Variants in GPAA1 observed in about 807,000 individuals in gnomAD.
GPAA1 encodes GPI-anchor transamidase component GPAA1.
Under a neutral mutation model 64.0 loss-of-function variants are expected in GPAA1, and 54 were observed. That is an observed-to-expected ratio of 0.84 (90% CI 0.68 to 1.06). The LOEUF is 1.06. GPAA1 is among the 50% of genes least tolerant of loss of function. The pLI is 0.00. For synonymous variants in GPAA1, 393 were observed against 377.3 expected (o/e 1.04, Z -0.48); for missense variants, 780 against 822.3 (o/e 0.95, Z 0.63).
chr8:144,084,367 A>G (rs1303552333), intron 6 of GPAA1, 37 bp downstream of exon 6: 1 of 1,611,242 alleles, frequency 6.2e-7, no homozygotes, highest in East Asian at 2.2e-5. Context: ...TGAAGGGCAC[A>G]GGGTCTGTGG....
Position 144,083,790 on chromosome 8 carries a change from T to C in GPAA1, c.443T>C (p.Val148Ala). The stretch of plus-strand genomic sequence containing the variant: ...AGCACCGAGTCGCTTGTGCTCACCG[T>C]GCCCTGTGGCTCTGACTCTACCAAC... ...AASTESLVLTVPCGSDSTNSQ... is the reference protein window; with the variant it reads ...AASTESLVLTAPCGSDSTNSQ... Residue 148 changes from valine to alanine, a missense_variant, in exon 4 of 12, where the codon GTG (valine) becomes GCG (alanine). Transcript: ENST00000355091. The C allele has an allele frequency of 6.2e-7, 1 of 1,608,108 alleles. No homozygotes were observed. The highest frequency in any genetic ancestry group is 1.7e-5 in the Admixed American group (1 of 60,016).
rs782615259 is a variant in GPAA1 at position 144,084,135 on chromosome 8, CA to C, written c.619del (p.Met207CysfsTer21). Reference protein sequence around the residue: ...EAYHDVNVTGMQSSPLQGRAG... With the variant: ...EAYHDVNVTGXQSSPLQGRAG... ...GCACTCATTCACTTGCTCCTACAGG[CA>C]TGCAGTCGTCTCCCCTGCAGGGCCG... is the stretch of plus-strand genomic sequence containing the variant. On this transcript the variant is annotated frameshift_variant and splice_region_variant, in exon 6 of 12. Coordinates refer to ENST00000355091, the MANE Select transcript of GPAA1 (RefSeq NM_003801.4). LOFTEE classifies it high-confidence loss of function. 1.7e-5 allele frequency: 27 copies of C among 1,613,352 alleles called. No individual in the cohort carries two copies. Among genetic ancestry groups the C allele is most frequent in the Admixed American group, 3.3e-5 (2 of 60,004 alleles).
In GPAA1 at chr8:144,082,820, G is replaced by T. The variant is rs56164102; in HGVS notation, c.74+16G>T. On this transcript the variant is annotated intron_variant, in intron 1 of 11. Transcript: ENST00000355091. Reference sequence around the variant, plus strand: ...CGCCGTTGTGGTGAGGACAGGGCCCGGGGAGGCGGGGACCCGAGGGCCCTG... The same window carrying T: ...CGCCGTTGTGGTGAGGACAGGGCCCTGGGAGGCGGGGACCCGAGGGCCCTG... 2.4e-3 allele frequency: 3,416 copies of T among 1,401,996 alleles called. 5 individuals are homozygous for T. Among genetic ancestry groups the T allele is most frequent in the Non-Finnish European group, 3.0e-3 (3,230 of 1,083,328 alleles). 86.8% of individuals were successfully genotyped at this position (1,401,996 alleles called of 1,614,324 possible).
In GPAA1 at chr8:144,086,053, GCTCTTCC is replaced by G; in HGVS notation, c.1796_1802del (p.Leu599HisfsTer?). The G allele has an allele frequency of 1.2e-6, 2 of 1,613,224 alleles. No homozygotes were observed. The highest frequency in any genetic ancestry group is 1.7e-6 in the Non-Finnish European group (2 of 1,179,934). ...TGGAGCACCACACCTACGGCGCCCT[GCTCTTCC>G]CACTGCTGTCCCTGGGCCTCTACCC... On this transcript the variant is annotated frameshift_variant, in exon 12 of 12. Transcript: ENST00000355091. LOFTEE classifies it high-confidence loss of function.
chr8:144,084,767 C>T lies in GPAA1; in HGVS notation c.1056C>T (p.Arg352=). ...MFRKLNHLLE[R]LHQSFFLYLL... ...GCAAGCTCAACCACCTCCTGGAGCGCCTGCACCAGTCCTTCTTCCTCTACT... is the reference window on the plus strand; with the variant it reads ...GCAAGCTCAACCACCTCCTGGAGCGTCTGCACCAGTCCTTCTTCCTCTACT... The change falls in exon 8 of 12, where the codon CGC becomes CGT. Residue 352 remains arginine (R), a synonymous_variant. Coordinates refer to ENST00000355091, the MANE Select transcript of GPAA1 (RefSeq NM_003801.4). 1 of 1,613,706 alleles carries T rather than the reference C, an allele frequency of 6.2e-7. No homozygotes were observed. Among genetic ancestry groups the T allele is most frequent in the Non-Finnish European group, 8.5e-7 (1 of 1,179,800 alleles).
Position 144,082,795 on chromosome 8 carries a change from C to A in GPAA1, c.65C>A (p.Ala22Glu). 2 of 1,465,046 alleles carry A rather than the reference C, an allele frequency of 1.4e-6. No individual in the cohort carries two copies. The highest frequency in any genetic ancestry group is 1.8e-6 in the Non-Finnish European group (2 of 1,114,790). The allele number at this position is 1,465,046 out of a possible 1,614,324, so 90.8% of individuals were successfully genotyped here. Residue 22 changes from alanine to glutamate, a missense_variant, in exon 1 of 12, where the codon GCG becomes GAG. By Grantham distance (107) the Ala-to-Glu change is moderately radical. Transcript: ENST00000355091. ...GCCCGCCTAGTGCTGCGCCTCAACG[C>A]GCCGTTGTGGTGAGGACAGGGCCCG... ...ALARLVLRLN[A>E]PLCVLSYVAG...
Position 144,084,559 on chromosome 8 carries a change from T to G in GPAA1, c.960T>G (p.Arg320=), listed in dbSNP as rs1554764077. Reference sequence around the variant, plus strand: ...ACCGTGTGGAGGCCCTAACCCTGCGTGGCATCAATAGCTTCCGCCAGTACA... The same window carrying G: ...ACCGTGTGGAGGCCCTAACCCTGCGGGGCATCAATAGCTTCCGCCAGTACA... ...LRYRVEALTL[R]GINSFRQYKY... Residue 320 remains arginine (R), a synonymous_variant, in exon 7 of 12, where the codon CGT becomes CGG. Transcript: ENST00000355091. 2 of 1,614,006 alleles carry G rather than the reference T, an allele frequency of 1.2e-6. No homozygotes were observed. The highest frequency in any genetic ancestry group is 1.7e-6 in the Non-Finnish European group (2 of 1,179,952).
At position 144,082,650 on chromosome 8, in the gene GPAA1, GTCTGACA is replaced by G; in HGVS notation, c.-80_-74del. 1 of 1,058,878 alleles carries G rather than the reference GTCTGACA, an allele frequency of 9.4e-7. No homozygotes were observed. Among genetic ancestry groups the G allele is most frequent in the East Asian group, 3.3e-5 (1 of 30,416 alleles). The allele number at this position is 1,058,878 out of a possible 1,614,324, so 65.6% of individuals were successfully genotyped here. A position where few individuals can be genotyped will look rare whatever the true frequency, so the allele number is the denominator to read the frequency against. On this transcript the variant is annotated 5_prime_UTR_variant, in exon 1 of 12. Coordinates refer to ENST00000355091, the MANE Select transcript of GPAA1 (RefSeq NM_003801.4). ...AGTGCGGGCGAGCGCGGGTCCCCGG[GTCTGACA>G]GGAGCAGCCTGTGGGCACCGCGGCG... is the stretch of plus-strand genomic sequence containing the variant.
chr8:144,085,566 C>G lies in GPAA1; in HGVS notation c.1452-7C>G. ...TGTGGGTTGCCTCTGAGTCCTTTGT[C>G]TTACAGGGTGGTAAGCACACAGGCC... On this transcript the variant is annotated splice_polypyrimidine_tract_variant and splice_region_variant and intron_variant, in intron 10 of 11. Transcript: ENST00000355091. The G allele has an allele frequency of 4.3e-6, 7 of 1,612,728 alleles. No homozygotes were observed. The highest frequency in any genetic ancestry group is 5.9e-6 in the Non-Finnish European group (7 of 1,179,480).
Position 144,083,246 on chromosome 8 carries a change from G to A in GPAA1, c.197G>A (p.Gly66Asp), listed in dbSNP as rs782748731. The A allele has an allele frequency of 1.9e-6, 3 of 1,607,332 alleles. No homozygotes were observed. In the South Asian group the frequency reaches 3.3e-5, roughly 18 times the overall value. Reference sequence around the variant, plus strand: ...ACCATGGTGGAGGAGCAGTTTGCGGGCGGAGACCGTGCCCGGGCTTTTGCC... The same window carrying A: ...ACCATGGTGGAGGAGCAGTTTGCGGACGGAGACCGTGCCCGGGCTTTTGCC... ...GSTMVEEQFA[G>D]GDRARAFARD... Residue 66 changes from glycine (G) to aspartate (D), a missense_variant, in exon 2 of 12, where the codon GGC becomes GAC. Transcript: ENST00000355091.
At position 144,085,643 on chromosome 8, in the gene GPAA1, C is replaced by G. The variant is rs782252524; in HGVS notation, c.1522C>G (p.Leu508Val). ...LKLVALIYLA[L>V]QLGCIALTNF... ...GCTGGTAGCCCTGATCTACCTAGCA[C>G]TGCAGCTGGGCTGCATCGCCCTCAC... Residue 508 changes from leucine to valine, a missense_variant, in exon 11 of 12, where the codon CTG becomes GTG. Transcript: ENST00000355091. 2 of 1,613,712 alleles carry G rather than the reference C, an allele frequency of 1.2e-6. No individual in the cohort carries two copies. The highest frequency in any genetic ancestry group is 2.7e-5 in the African/African-American group (2 of 74,928).
chr8:144,085,314 C>T lies in GPAA1; in HGVS notation c.1286C>T (p.Ala429Val). The T allele has an allele frequency of 6.2e-7, 1 of 1,607,318 alleles. No individual in the cohort carries two copies. ...SQGVGLASLV[A>V]PLLISQAMGL... The stretch of plus-strand genomic sequence containing the variant: ...GGTGTGGGGCTGGCCTCGCTCGTGG[C>T]ACCTCTGCTGATCTCACAGGCCATG... The change falls in exon 10 of 12, where the codon GCA (alanine) becomes GTA (valine). Residue 429 changes from alanine (A) to valine (V), a missense_variant. Coordinates refer to ENST00000355091, the MANE Select transcript of GPAA1 (RefSeq NM_003801.4).
Position 144,084,555 on chromosome 8 carries a change from T to C in GPAA1, c.956T>C (p.Leu319Pro), listed in dbSNP as rs1554764075. 2.5e-6 allele frequency: 4 copies of C among 1,613,902 alleles called. No homozygotes were observed. Among genetic ancestry groups the C allele is most frequent in the Non-Finnish European group, 3.4e-6 (4 of 1,179,890 alleles). Residue 319 changes from leucine to proline, a missense_variant, in exon 7 of 12, where the codon CTG becomes CCG. Coordinates refer to ENST00000355091, the MANE Select transcript of GPAA1 (RefSeq NM_003801.4). ...FLRYRVEALT[L>P]RGINSFRQYK... ...CGCTACCGTGTGGAGGCCCTAACCC[T>C]GCGTGGCATCAATAGCTTCCGCCAG...
chr8:144,085,148 C>A lies in GPAA1; in HGVS notation c.1260+10C>A, dbSNP rs1835976596. The A allele has an allele frequency of 2.0e-6, 3 of 1,525,272 alleles. No homozygotes were observed. Among genetic ancestry groups the A allele is most frequent in the South Asian group, 1.2e-5 (1 of 84,638 alleles). The allele number at this position is 1,525,272 out of a possible 1,614,324, so 94.5% of individuals were successfully genotyped here. ...CCTTCCCCCATCACAGGTGATGGCA[C>A]CCCCTTCTGTTGTTGGAATGGGCTT... On this transcript the variant is annotated intron_variant, in intron 9 of 11. Coordinates refer to ENST00000355091, the MANE Select transcript of GPAA1 (RefSeq NM_003801.4).
rs1192731962 is a variant in GPAA1, at chr8:144,084,933, G to A, written c.1164+58G>A. The A allele has an allele frequency of 2.5e-6, 4 of 1,596,914 alleles. No individual in the cohort carries two copies. In the African/African-American group the frequency reaches 4.0e-5, roughly 16 times the overall value. ...CAGCCTCCAGTCTCCTCAACTCTAG[G>A]CTGGGGAGAGTCTTCCATCCTGATG... On this transcript the variant is annotated intron_variant, in intron 8 of 11. Coordinates refer to ENST00000355091, the MANE Select transcript of GPAA1 (RefSeq NM_003801.4).
Position 144,085,714 on chromosome 8 carries a change from T to G in GPAA1, c.1593T>G (p.Thr531=). Residue 531 remains threonine, a synonymous_variant, in exon 11 of 12, where the codon ACT becomes ACG. Coordinates refer to ENST00000355091, the MANE Select transcript of GPAA1 (RefSeq NM_003801.4). ...GFLLATTMVP[T]AALAKPHGPR... ...TGCTGGCCACCACCATGGTGCCCAC[T>G]GCTGCGCTTGCCAAGCCTCATGGGC... 6.2e-7 allele frequency: 1 copy of G among 1,613,216 alleles called. No individual in the cohort carries two copies. Among genetic ancestry groups the G allele is most frequent in the Non-Finnish European group, 8.5e-7 (1 of 1,179,968 alleles).
rs973868750 is a variant in GPAA1, at chr8:144,084,766, G to A, written c.1055G>A (p.Arg352His). 8.7e-6 allele frequency: 14 copies of A among 1,613,508 alleles called. No homozygotes were observed. The highest frequency in any genetic ancestry group is 3.3e-5 in the South Asian group (3 of 91,078). ...MFRKLNHLLE[R>H]LHQSFFLYLL... is the part of the protein sequence containing the mutation. ...CGCAAGCTCAACCACCTCCTGGAGCGCCTGCACCAGTCCTTCTTCCTCTAC... is the reference window on the plus strand; with the variant it reads ...CGCAAGCTCAACCACCTCCTGGAGCACCTGCACCAGTCCTTCTTCCTCTAC... Residue 352 changes from arginine (R) to histidine (H), a missense_variant, in exon 8 of 12, where the codon CGC (arginine) becomes CAC (histidine). Physicochemically the swap from Arg to His is conservative, Grantham distance 29 (BLOSUM62 0). Coordinates refer to ENST00000355091, the MANE Select transcript of GPAA1 (RefSeq NM_003801.4).
Position 144,085,429 on chromosome 8 carries a change from A to T in GPAA1, c.1401A>T (p.Thr467=). ...CAGAGGCTGAGGCTGTGGTGCTGAC[A>T]CTGCTGGCGATTTATGCAGCTGGCC... ...PVAEAEAVVL[T]LLAIYAAGLA... Residue 467 remains threonine, a synonymous_variant, in exon 10 of 12, where the codon ACA becomes ACT. Transcript: ENST00000355091. The T allele has an allele frequency of 6.2e-7, 1 of 1,604,488 alleles. No individual in the cohort carries two copies. The highest frequency in any genetic ancestry group is 1.1e-5 in the South Asian group (1 of 91,080).
In GPAA1 at chr8:144,083,945, T is replaced by A. The variant is rs1801751; in HGVS notation, c.521T>A (p.Ile174Asn). 1 of 1,613,392 alleles carries A rather than the reference T, an allele frequency of 6.2e-7. No individual in the cohort carries two copies. The highest frequency in any genetic ancestry group is 8.5e-7 in the Non-Finnish European group (1 of 1,179,724). ...TCCTGCTTCTGGCCTCCAGGGCAGATTTATTGGGCCAAAGATATCGTCTTC... is the reference window on the plus strand; with the variant it reads ...TCCTGCTTCTGGCCTCCAGGGCAGAATTATTGGGCCAAAGATATCGTCTTC... ...LALAAHFRGQIYWAKDIVFLV... is the reference protein window; with the variant it reads ...LALAAHFRGQNYWAKDIVFLV... The change falls in exon 5 of 12, where the codon ATT becomes AAT. Residue 174 changes from isoleucine to asparagine, a missense_variant. Ile to Asn is a moderately radical substitution (Grantham distance 149). Transcript: ENST00000355091.
Sources: allele counts gnomAD v4.1 joint callset, GRCh38; gene constraint gnomAD v4.1.1; transcripts MANE v1.5; gene names NCBI Gene and HGNC (gene_info 2026-07-23, HGNC 2026-07-21).